TMCO1: variants seen among roughly 807,000 people sequenced by gnomAD.
TMCO1 encodes transmembrane and coiled-coil domains 1.
Under a neutral mutation model 29.3 loss-of-function variants are expected in TMCO1, and 29 were observed. The ratio of observed to expected loss-of-function variants is 0.99; its 90% CI spans 0.74 to 1.35. The LOEUF is 1.35. Among genes scored for constraint, TMCO1 ranks in the 40% most tolerant of loss-of-function variants. The probability of loss-of-function intolerance (pLI) is 0.00; values close to 1 mark genes in which losing one functional copy is unlikely to be tolerated. For missense variants in TMCO1, 173 were observed against 225.5 expected, an observed-to-expected ratio of 0.77 and a Z score of 1.49; for synonymous variants, 80 against 77.1, an observed-to-expected ratio of 1.04 and a Z score of -0.20.
intron 4 of TMCO1, 72 bp downstream of exon 4, chr1:165,754,156 C>T (rs536395043): frequency 4.7e-6 from 6 of 1,286,868 alleles, no homozygotes; most frequent in Admixed American, 3.4e-5. Flanking sequence ...GAGTGCAATG[C>T]ACTTGATGTA....
chr1:165,725,806 G>T (rs1490617663), downstream of TMCO1: 2 of 463,068 alleles, frequency 4.3e-6, no homozygotes, highest in Non-Finnish European at 8.6e-6. Flanking sequence ...TATTTCCTCT[G>T]TAATATATCT....
chr1:165,748,101 GT>G, intron 5 of TMCO1, among the ~76,000 whole-genome samples: 1 of 151,584 alleles, frequency 6.6e-6, no homozygotes, highest in Non-Finnish European at 1.5e-5. Context: ...GGAGGTTACG[GT>G]GAGCCCAGAT....
In TMCO1 at chr1:165,742,269, T is replaced by C. The variant is rs866534557; in HGVS notation, c.468+898A>G. Among the ~76,000 whole-genome samples the C allele has an allele frequency of 1.8e-3, 241 of 134,914 alleles. 2 individuals are homozygous for C. Among genetic ancestry groups the C allele is most frequent in the African/African-American group, 3.3e-3 (96 of 29,084 alleles). The allele number at this position is 134,914 out of a possible 152,430, so 88.5% of individuals were successfully genotyped here. A position where few individuals can be genotyped will look rare whatever the true frequency, so the allele number is the denominator to read the frequency against. ...AGACCTTAATTATCGGCTCCCCCCC[T>C]TTTCTTTTTTTGAGACAGGGTCCCG... is the stretch of plus-strand genomic sequence containing the variant. On this transcript the variant is annotated intron_variant, in intron 6 of 6. Transcript: ENST00000367881.
chr1:165,728,128 A>C lies in TMCO1; in HGVS notation c.469-7T>G. On this transcript the variant is annotated splice_region_variant and splice_polypyrimidine_tract_variant and intron_variant, in intron 6 of 6. Transcript: ENST00000367881. ...CGAGAATCTTCTGAATGTTCTGTGA[A>C]GAAAGCACAGTAAGGATTGGGTTTT... 6.2e-7 allele frequency: 1 copy of C among 1,604,350 alleles called. No homozygotes were observed. The highest frequency in any genetic ancestry group is 2.3e-5 in the East Asian group (1 of 44,240).
chr1:165,734,611 A>G (rs571850042), intron 6 of TMCO1, among the ~76,000 whole-genome samples: 109 of 152,012 alleles, frequency 7.2e-4, no homozygotes, highest in African/African-American at 2.6e-3. Flanking sequence ...AGTTCAAGCA[A>G]TTCTCTTCCT....
intron 2 of TMCO1, among the ~76,000 whole-genome samples, chr1:165,765,387 A>G (rs528162706): frequency 2.0e-5 from 3 of 152,244 alleles, no homozygotes; most frequent in South Asian, 4.1e-4. Flanking sequence ...AGGTTGAAGC[A>G]ATTCTCCTGC....
intron 2 of TMCO1, among the ~76,000 whole-genome samples, chr1:165,761,813 G>A (rs1415109110): frequency 1.3e-5 from 2 of 151,862 alleles, no homozygotes; most frequent in East Asian, 3.9e-4. Flanking sequence ...GCCGGCCATG[G>A]TGGTGCACTC....
At position 165,761,671 on chromosome 1, in the gene TMCO1, G is replaced by A. The variant is rs372385072; in HGVS notation, c.149-2087C>T. On this transcript the variant is annotated intron_variant, in intron 2 of 6. Transcript: ENST00000367881. ...TGTTATAAAAATAACATTTTATGTC[G>A]GGTGCAGTGGCTCAGTTCTGTAAGC... 9.9e-5 allele frequency among the ~76,000 whole-genome samples: 15 copies of A among 151,790 alleles called. No individual in the cohort carries two copies. The South Asian group carries it at 1.7e-3, about 17-fold the overall frequency.
At chr1:165,724,625 T>C, downstream of TMCO1, 1 of 454,054 alleles carries the variant, frequency 2.2e-6, no homozygotes. Flanking sequence ...AAGGCTCTAG[T>C]GATTCTGATA....
At chr1:165,749,060 CCA>C (rs1225418730) in intron 5 of TMCO1, among the ~76,000 whole-genome samples, 1 of 152,114 alleles carries the variant, frequency 6.6e-6, no homozygotes, top group Non-Finnish European at 1.5e-5. Context: ...TCTAGTTGTA[CCA>C]CAGTTTGTTT....
At chr1:165,762,585 C>A (rs16850119) in intron 2 of TMCO1, among the ~76,000 whole-genome samples, 5,577 of 152,114 alleles carry the variant, frequency 0.037, 324 homozygotes, top group African/African-American at 0.13. Context: ...TGTGATGAAA[C>A]CTTGGTGTGT....
intron 2 of TMCO1, among the ~76,000 whole-genome samples, chr1:165,760,002 T>C (rs1331928591): frequency 6.6e-6 from 1 of 152,044 alleles, no homozygotes; most frequent in African/African-American, 2.4e-5. Context: ...TAAATAACTC[T>C]AAGCAGATGA....
chr1:165,768,834 T>A lies in TMCO1; in HGVS notation c.-83A>T. 6.3e-7 allele frequency: 1 copy of A among 1,595,994 alleles called. No homozygotes were observed. Among genetic ancestry groups the A allele is most frequent in the Non-Finnish European group, 8.5e-7 (1 of 1,170,598 alleles). ...AAAAGTGAAGCGAAAACGGCTTCCG[T>A]AGACTCCGCCACCACCGAGTAACAG... On this transcript the variant is annotated 5_prime_UTR_variant, in exon 1 of 7. Coordinates refer to ENST00000367881, the MANE Select transcript of TMCO1 (RefSeq NM_019026.6).
At chr1:165,761,500 A>G (rs1240916095) in intron 2 of TMCO1, among the ~76,000 whole-genome samples, 2 of 151,888 alleles carry the variant, frequency 1.3e-5, no homozygotes, top group African/African-American at 4.8e-5. Flanking sequence ...ACTTCACTGC[A>G]CTCCAGCCTA....
chr1:165,738,890 A>G (rs956363047), intron 6 of TMCO1, among the ~76,000 whole-genome samples: 4 of 152,240 alleles, frequency 2.6e-5, no homozygotes, highest in Non-Finnish European at 5.9e-5. Context: ...GATCCTTCAA[A>G]TACAACAGTT....
rs1241833696 is a variant in TMCO1, at chr1:165,765,210, T to G, written c.148+2982A>C. ...AATCATACAGTATATTAGAAAGTAA[T>G]AAAAGCAACAGAAAAAATAGAACAG... is the stretch of plus-strand genomic sequence containing the variant. On this transcript the variant is annotated intron_variant, in intron 2 of 6. Coordinates refer to ENST00000367881, the MANE Select transcript of TMCO1 (RefSeq NM_019026.6). Among the ~76,000 whole-genome samples, 3 of 152,218 alleles carry G rather than the reference T, an allele frequency of 2.0e-5. No homozygotes were observed. The East Asian group carries it at 5.8e-4, about 29-fold the overall frequency.
Position 165,743,218 on chromosome 1 carries a change from T to C in TMCO1, c.417A>G (p.Thr139=), listed in dbSNP as rs1558034218. 5.6e-6 allele frequency: 9 copies of C among 1,613,882 alleles called. No individual in the cohort carries two copies. The East Asian group carries it at 1.6e-4, about 28-fold the overall frequency. ...TATACAGGAAAATGAAGGAACAGTC[T>C]GTGGTGTCATCTCCCAGCAGATTTC... is the stretch of plus-strand genomic sequence containing the variant. ...SHRNLLGDDT[T]DCSFIFLYIL... Residue 139 remains threonine, a synonymous_variant, in exon 6 of 7, where the codon ACA becomes ACG. Coordinates refer to ENST00000367881, the MANE Select transcript of TMCO1 (RefSeq NM_019026.6).
At chr1:165,733,607 A>C (rs1461262190) in intron 6 of TMCO1, among the ~76,000 whole-genome samples, 2 of 150,476 alleles carry the variant, frequency 1.3e-5, no homozygotes, top group Non-Finnish European at 3.0e-5. Context: ...AAAAAAACAA[A>C]AAAAAAGAAA....
chr1:165,767,177 T>C (rs144917600), intron 2 of TMCO1, among the ~76,000 whole-genome samples: 60 of 143,798 alleles, frequency 4.2e-4, no homozygotes, highest in African/African-American at 1.5e-3. Flanking sequence ...TCAAATATGG[T>C]AATTTAAGAA....
Sources: allele counts gnomAD v4.1 joint callset (sites outside exome capture counted in the v4.1 genomes callset), GRCh38; gene constraint gnomAD v4.1.1; transcripts MANE v1.5; gene names NCBI Gene and HGNC (gene_info 2026-07-23, HGNC 2026-07-21).